MACROD2: variants seen among roughly 807,000 people sequenced by gnomAD.
MACROD2 encodes mono-ADP ribosylhydrolase 2, also known as ADP-ribose glycohydrolase MACROD2.
Under a neutral mutation model 70.4 loss-of-function variants are expected in MACROD2, and 36 were observed. That is an observed-to-expected ratio of 0.51 (90% confidence interval 0.39 to 0.68). The LOEUF is 0.68. Ranked by LOEUF, MACROD2 falls within the 30% of genes least tolerant of loss-of-function variation. MACROD2 has a pLI of 0.00. For synonymous variants in MACROD2, 172 were observed against 178.8 expected, an observed-to-expected ratio of 0.96 and a Z score of 0.30; for missense variants, 496 against 538.4, an observed-to-expected ratio of 0.92 and a Z score of 0.78.
chr20:15,530,768 C>T (rs943223954), intron 8 of MACROD2, among the ~76,000 whole-genome samples: 9 of 150,536 alleles, frequency 6.0e-5, no homozygotes, highest in East Asian at 5.9e-4. Context: ...TCCATGTACG[C>T]GTATAATGTT....
intron 8 of MACROD2, among the ~76,000 whole-genome samples, chr20:15,558,882 A>G (rs1267885465): frequency 6.6e-6 from 1 of 152,216 alleles, no homozygotes; most frequent in African/African-American, 2.4e-5. Context: ...GACTATCAAA[A>G]TTAAACATTT....
chr20:15,950,659 T>G (rs2065891352), intron 12 of MACROD2, among the ~76,000 whole-genome samples: 1 of 152,198 alleles, frequency 6.6e-6, no homozygotes, highest in African/African-American at 2.4e-5. Flanking sequence ...AATTCAGATC[T>G]ATAAGCAACA....
chr20:14,571,504 T>C (rs1980188772), intron 4 of MACROD2, among the ~76,000 whole-genome samples: 1 of 152,120 alleles, frequency 6.6e-6, no homozygotes, highest in Admixed American at 6.5e-5. Context: ...ATTTCCCCAG[T>C]CATTAAATGT....
chr20:14,312,994 T>G (rs2082580267), intron 3 of MACROD2, among the ~76,000 whole-genome samples: 1 of 152,244 alleles, frequency 6.6e-6, no homozygotes, highest in Admixed American at 6.5e-5. Flanking sequence ...GTAAGCTAAT[T>G]ATATAACACT....
At chr20:15,241,534 C>A (rs2077059517) in intron 6 of MACROD2, among the ~76,000 whole-genome samples, 1 of 151,900 alleles carries the variant, frequency 6.6e-6, no homozygotes, top group Non-Finnish European at 1.5e-5. Context: ...AATAATATAA[C>A]CCTCAGTTAA....
At chr20:15,112,514 T>C (rs1332270615) in intron 5 of MACROD2, among the ~76,000 whole-genome samples, 1 of 152,152 alleles carries the variant, frequency 6.6e-6, no homozygotes, top group Admixed American at 6.5e-5. Context: ...TTTATGTTCA[T>C]TTTACTGTTA....
chr20:15,752,235 C>A (rs1307426117), intron 8 of MACROD2, among the ~76,000 whole-genome samples: 2 of 151,992 alleles, frequency 1.3e-5, no homozygotes, highest in Non-Finnish European at 2.9e-5. Flanking sequence ...GTATTTTCAA[C>A]CCAGGGAAAA....
Position 14,778,958 on chromosome 20 carries a change from G to A in MACROD2, c.418+93999G>A, listed in dbSNP as rs554112244. Among the ~76,000 whole-genome samples, 126 of 152,186 alleles carry A rather than the reference G, an allele frequency of 8.3e-4. 1 individual carries two copies. Among genetic ancestry groups the A allele is most frequent in the African/African-American group, 2.7e-3 (113 of 41,496 alleles). ...TAGAATAAAAATCTCTCAATGCATG[G>A]TACAGTCCTCTTTGCTTTTTTAAAA... On this transcript the variant is annotated intron_variant, in intron 5 of 17. Transcript: ENST00000684519.
At chr20:15,333,192 C>A (rs2078011577) in intron 6 of MACROD2, among the ~76,000 whole-genome samples, 2 of 151,554 alleles carry the variant, frequency 1.3e-5, no homozygotes, top group African/African-American at 4.9e-5. Flanking sequence ...AAATTTTCAG[C>A]CCCACTCCAA....
intron 2 of MACROD2, among the ~76,000 whole-genome samples, chr20:14,071,962 T>A (rs1257150571): frequency 5.9e-5 from 9 of 152,204 alleles, no homozygotes; most frequent in African/African-American, 2.2e-4. Context: ...AAACAGAATT[T>A]CAGTGTAAAC....
intron 3 of MACROD2, among the ~76,000 whole-genome samples, chr20:14,178,441 A>G (rs2081281322): frequency 6.6e-6 from 1 of 152,174 alleles, no homozygotes; most frequent in African/African-American, 2.4e-5. Context: ...AGTGCAAAAG[A>G]ATGTCTCCAG....
chr20:14,825,324 C>G (rs560259101), intron 5 of MACROD2, among the ~76,000 whole-genome samples: 1 of 152,120 alleles, frequency 6.6e-6, no homozygotes, highest in East Asian at 1.9e-4. Context: ...TGTGCTCTGC[C>G]CCATTGCAAG....
chr20:16,053,045 T>G lies in MACROD2; in HGVS notation c.*3169T>G, dbSNP rs1056333212. The stretch of plus-strand genomic sequence containing the variant: ...ACTGCTAAATAGGATAATACGTGCC[T>G]CTTTTGTTAAACCGGCATTTAAATG... On this transcript the variant is annotated 3_prime_UTR_variant, in exon 18 of 18. Coordinates refer to ENST00000684519, the MANE Select transcript of MACROD2 (RefSeq NM_001351661.2). The G allele has an allele frequency of 5.2e-5, 8 of 152,656 alleles. No individual in the cohort carries two copies. Among genetic ancestry groups the G allele is most frequent in the Non-Finnish European group, 2.9e-5 (2 of 68,048 alleles). The allele number at this position is 152,656 out of a possible 1,614,324, so 9.5% of individuals were successfully genotyped here. A position where few individuals can be genotyped will look rare whatever the true frequency, so the allele number is the denominator to read the frequency against.
In MACROD2 at chr20:14,303,313, C is replaced by A. The variant is rs182684993; in HGVS notation, c.272-190166C>A. Among the ~76,000 whole-genome samples the A allele has an allele frequency of 7.9e-5, 12 of 152,276 alleles. No individual in the cohort carries two copies. In the East Asian group the frequency reaches 2.1e-3, roughly 27 times the overall value. On this transcript the variant is annotated intron_variant, in intron 3 of 17. Transcript: ENST00000684519. The stretch of plus-strand genomic sequence containing the variant: ...TCAGCGGATCTTTTAATCTGCCTGA[C>A]GCTGGCCGTAGAGTCCTTGCAAGCA...
chr20:14,839,237 G>C (rs2073062266), intron 5 of MACROD2, among the ~76,000 whole-genome samples: 1 of 152,072 alleles, frequency 6.6e-6, no homozygotes, highest in South Asian at 2.1e-4. Context: ...GCACCTGTTA[G>C]CTGATTTGTT....
In MACROD2 at chr20:15,873,244, A is replaced by C. The variant is rs534878147; in HGVS notation, c.727+10418A>C. Among the ~76,000 whole-genome samples, 3 of 152,288 alleles carry C rather than the reference A, an allele frequency of 2.0e-5. No homozygotes were observed. The East Asian group carries it at 5.8e-4, about 29-fold the overall frequency. ...ATACAACTTACAGGGATTACCATCC[A>C]CAGGGACAGAAATATAAATGCCCGA... On this transcript the variant is annotated intron_variant, in intron 9 of 17. Coordinates refer to ENST00000684519, the MANE Select transcript of MACROD2 (RefSeq NM_001351661.2).
chr20:15,171,995 A>G (rs1310191052), intron 5 of MACROD2, among the ~76,000 whole-genome samples: 1 of 152,248 alleles, frequency 6.6e-6, no homozygotes, highest in African/African-American at 2.4e-5. Flanking sequence ...ATGAATGAAT[A>G]CAGTCAAATT....
intron 4 of MACROD2, among the ~76,000 whole-genome samples, chr20:14,554,949 G>A (rs1165435599): frequency 1.3e-5 from 2 of 151,976 alleles, no homozygotes; most frequent in East Asian, 3.9e-4. Flanking sequence ...ATATTTTGGG[G>A]AGACATACTT....
chr20:15,966,013 C>T (rs2066135600), intron 12 of MACROD2, among the ~76,000 whole-genome samples: 1 of 152,134 alleles, frequency 6.6e-6, no homozygotes, highest in South Asian at 2.1e-4. Context: ...GTTAACTACC[C>T]AGGTTTCTCA....
Sources: gnomAD v4.1 joint callset for allele counts (sites outside exome capture counted in the v4.1 genomes callset) on GRCh38, gnomAD v4.1.1 for gene constraint, MANE v1.5 for transcripts, NCBI Gene and HGNC (gene_info 2026-07-23, HGNC 2026-07-21) for gene names.